The following RBKS variants were observed in gnomAD, a reference collection of about 807,000 sequenced individuals.
RBKS encodes the protein ribokinase.
RBKS carries 33 observed loss-of-function variants against 33.9 expected under a neutral mutation model. That is an observed-to-expected ratio of 0.97 (90% CI 0.74 to 1.30). The LOEUF (loss-of-function observed/expected upper bound fraction) is 1.30. Among genes scored for constraint, RBKS ranks in the 50% most tolerant of loss-of-function variants. The pLI is 0.00. For synonymous variants in RBKS, 125 were observed against 143.0 expected, an observed-to-expected ratio of 0.87 and a Z score of 0.90; for missense variants, 361 against 392.6, an observed-to-expected ratio of 0.92 and a Z score of 0.68.
chr2:27,864,530 T>C (rs1288406926), intron 1 of RBKS, among the ~76,000 whole-genome samples: 3 of 152,132 alleles, frequency 2.0e-5, no homozygotes, highest in Admixed American at 2.0e-4. Context: ...CATATGGTCT[T>C]CTCCCATGTT....
At chr2:27,798,780 G>C (rs6715987) in intron 7 of RBKS, among the ~76,000 whole-genome samples, 1 of 152,032 alleles carries the variant, frequency 6.6e-6, no homozygotes, top group Non-Finnish European at 1.5e-5. Context: ...ATTCACTTAC[G>C]GGTCTCAGTA....
intron 7 of RBKS, among the ~76,000 whole-genome samples, chr2:27,813,846 G>C (rs937301161): frequency 6.6e-6 from 1 of 152,148 alleles, no homozygotes; most frequent in Non-Finnish European, 1.5e-5. Flanking sequence ...TTCAGATCTA[G>C]ATTCCCTGTA....
intron 7 of RBKS, among the ~76,000 whole-genome samples, chr2:27,825,603 G>C (rs1678296649): frequency 6.6e-6 from 1 of 152,144 alleles, no homozygotes; most frequent in Non-Finnish European, 1.5e-5. Context: ...CAGGGACAGG[G>C]ACATGACATG....
intron 7 of RBKS, among the ~76,000 whole-genome samples, chr2:27,813,039 TAA>T (rs33918494): frequency 0.27 from 38,457 of 142,774 alleles, 5,876 homozygotes; most frequent in East Asian, 0.63. Flanking sequence ...AAGAAGCCAT[TAA>T]AAAAAAAAAA....
At chr2:27,831,894 GAA>G (rs10531773) in intron 6 of RBKS, among the ~76,000 whole-genome samples, 48,845 of 151,916 alleles carry the variant, frequency 0.32, 9,384 homozygotes, top group East Asian at 0.63. Flanking sequence ...CAACCTGGGT[GAA>G]ACAGTGAGTT....
At chr2:27,839,733 G>A (rs529751211) in intron 5 of RBKS, among the ~76,000 whole-genome samples, 3 of 152,106 alleles carry the variant, frequency 2.0e-5, no homozygotes, top group African/African-American at 4.8e-5. Flanking sequence ...TCTTGAAGAC[G>A]GAATAATGCT....
Position 27,781,588 on chromosome 2 carries a change from G to A in RBKS, c.*27C>T. 6.4e-7 allele frequency: 1 copy of A among 1,566,548 alleles called. No homozygotes were observed. Among genetic ancestry groups the A allele is most frequent in the Non-Finnish European group, 8.7e-7 (1 of 1,151,678 alleles). Reference sequence around the variant, plus strand: ...ACCCCCAAGTACATTTTATTCCCAGGTATATTTATTTTGGGACTAATAGCA... The same window carrying A: ...ACCCCCAAGTACATTTTATTCCCAGATATATTTATTTTGGGACTAATAGCA... On this transcript the variant is annotated 3_prime_UTR_variant, in exon 8 of 8. Coordinates refer to ENST00000302188, the MANE Select transcript of RBKS (RefSeq NM_022128.3).
intron 1 of RBKS, among the ~76,000 whole-genome samples, chr2:27,872,991 G>A (rs1201611265): frequency 6.6e-6 from 1 of 152,198 alleles, no homozygotes; most frequent in Non-Finnish European, 1.5e-5. Flanking sequence ...TGCAAATGGG[G>A]AGAGGAGTGA....
Position 27,810,060 on chromosome 2 carries a change from G to C in RBKS, c.795+17507C>G. 7.7e-7 allele frequency: 1 copy of C among 1,304,018 alleles called. No homozygotes were observed. Among genetic ancestry groups the C allele is most frequent in the Non-Finnish European group, 1.0e-6 (1 of 988,906 alleles). 80.8% of individuals were successfully genotyped at this position (1,304,018 alleles called of 1,614,324 possible). A position where few individuals can be genotyped will look rare whatever the true frequency, so the allele number is the denominator to read the frequency against. ...CCAGGTCTACACTGTGAAAATGAAG[G>C]AAGGAACTGAGCAATTGTTCTGTGA... On this transcript the variant is annotated intron_variant, in intron 7 of 7. Transcript: ENST00000302188. This position sits in a 1 kb window ranked among gnomAD's most constrained non-coding sequence, Gnocchi z 4.4.
intron 1 of RBKS, among the ~76,000 whole-genome samples, chr2:27,876,782 T>C (rs974878969): frequency 5.9e-5 from 9 of 152,178 alleles, no homozygotes; most frequent in Admixed American, 6.6e-5. Flanking sequence ...TTAATGCCAA[T>C]GAATTGTAAA....
At chr2:27,836,648 G>T (rs1316016972) in intron 5 of RBKS, among the ~76,000 whole-genome samples, 1 of 152,026 alleles carries the variant, frequency 6.6e-6, no homozygotes, top group African/African-American at 2.4e-5. Flanking sequence ...TTGACAAGTG[G>T]GACTTAATTA....
At chr2:27,832,041 A>G (rs1678427490) in intron 6 of RBKS, among the ~76,000 whole-genome samples, 1 of 152,212 alleles carries the variant, frequency 6.6e-6, no homozygotes, top group South Asian at 2.1e-4. Flanking sequence ...TGTCTGGCTT[A>G]TAAAAAGGGA....
chr2:27,884,271 C>G (rs1664479801), intron 1 of RBKS, among the ~76,000 whole-genome samples: 1 of 152,068 alleles, frequency 6.6e-6, no homozygotes, highest in Non-Finnish European at 1.5e-5. Context: ...TTATGTTTAA[C>G]AGGGTCTCAC....
chr2:27,829,365 T>G (rs78412901), intron 6 of RBKS, among the ~76,000 whole-genome samples: 1 of 143,220 alleles, frequency 7.0e-6, no homozygotes, highest in Non-Finnish European at 1.5e-5. Context: ...TTTTCAGTGT[T>G]TTTTTTTTTT....
chr2:27,845,935 A>G lies in RBKS; in HGVS notation c.349+1107T>C, dbSNP rs143254547. On this transcript the variant is annotated intron_variant, in intron 4 of 7. Coordinates refer to ENST00000302188, the MANE Select transcript of RBKS (RefSeq NM_022128.3). ...TTTATAATTAAAACAGTTGGCAGAA[A>G]TTATGAAAACTTGACTTGAAGGTTG... is the stretch of plus-strand genomic sequence containing the variant. Among the ~76,000 whole-genome samples the G allele has an allele frequency of 1.8e-3, 273 of 152,242 alleles. 1 individual carries two copies. Among genetic ancestry groups the G allele is most frequent in the African/African-American group, 6.3e-3 (262 of 41,552 alleles).
intron 7 of RBKS, among the ~76,000 whole-genome samples, chr2:27,807,057 C>G (rs1182040521): frequency 6.6e-6 from 1 of 152,216 alleles, no homozygotes; most frequent in Non-Finnish European, 1.5e-5. Context: ...CAATGGGCAA[C>G]TGTAAAGAAC....
At chr2:27,847,408 C>T (rs1305126557) in intron 3 of RBKS, among the ~76,000 whole-genome samples, 1 of 152,180 alleles carries the variant, frequency 6.6e-6, no homozygotes, top group East Asian at 1.9e-4. Context: ...TAGACCAACA[C>T]ACTTATGTTC....
intron 7 of RBKS, among the ~76,000 whole-genome samples, chr2:27,816,604 T>G (rs549188047): frequency 1.3e-4 from 18 of 141,356 alleles, no homozygotes; most frequent in African/African-American, 4.9e-4. Flanking sequence ...TAAGGATATG[T>G]GTTTTTTTGT....
chr2:27,790,282 T>G (rs1022443780), intron 7 of RBKS, among the ~76,000 whole-genome samples: 1 of 152,056 alleles, frequency 6.6e-6, no homozygotes, highest in Non-Finnish European at 1.5e-5. Flanking sequence ...CACAAACCCT[T>G]ACCTCACACC....
Sources: allele counts gnomAD v4.1 joint callset (sites outside exome capture counted in the v4.1 genomes callset), GRCh38; gene constraint gnomAD v4.1.1; non-coding constraint Gnocchi (gnomAD v3.1); transcripts MANE v1.5; gene names NCBI Gene and HGNC (gene_info 2026-07-23, HGNC 2026-07-21).